The following EPB42 variants were observed in gnomAD, a reference collection of about 807,000 sequenced individuals.
EPB42 encodes the protein erythrocyte membrane protein band 4.2.
EPB42 carries 49 observed loss-of-function variants against 76.9 expected under a neutral mutation model. The ratio of observed to expected loss-of-function variants is 0.64; its 90% CI spans 0.51 to 0.81. The LOEUF (loss-of-function observed/expected upper bound fraction) is 0.81. Ranked by LOEUF, EPB42 falls within the 30% of genes least tolerant of loss-of-function variation. The pLI, the probability that EPB42 is intolerant of heterozygous loss-of-function variation, is 0.00. For missense variants in EPB42, 731 were observed against 867.6 expected (o/e 0.84, Z 1.98); for synonymous variants, 310 against 338.4 (o/e 0.92, Z 0.92).
Position 43,206,767 on chromosome 15 carries a change from A to AT in EPB42, c.1319-139dup. Reference sequence around the variant, plus strand: ...AAGAACTCAGCAAGCCTCTAAGGCCATATTTAGCCCAAAAATGTCTGTGTC... The same window carrying AT: ...AAGAACTCAGCAAGCCTCTAAGGCCATTATTTAGCCCAAAAATGTCTGTGTC... On this transcript the variant is annotated intron_variant, in intron 9 of 12. Transcript: ENST00000441366. This position sits in a 1 kb window ranked among gnomAD's most constrained non-coding sequence, Gnocchi z 4.7. The AT allele has an allele frequency of 9.6e-7, 1 of 1,037,562 alleles. No individual in the cohort carries two copies. Among genetic ancestry groups the AT allele is most frequent in the Non-Finnish European group, 1.4e-6 (1 of 697,668 alleles). The allele number at this position is 1,037,562 out of a possible 1,614,324, so 64.3% of individuals were successfully genotyped here.
rs951540925 is a variant in EPB42, at chr15:43,206,133, A to G, written c.1618+197T>C. The G allele has an allele frequency of 8.6e-6, 5 of 578,596 alleles. No individual in the cohort carries two copies. The highest frequency in any genetic ancestry group is 1.9e-5 in the African/African-American group (1 of 53,884). 35.8% of individuals were successfully genotyped at this position (578,596 alleles called of 1,614,324 possible). ...GTTTACTTATCTGACTGCAGTTGGC[A>G]TCGTGTTTTTTTCCTGCTTCAGGCC... On this transcript the variant is annotated intron_variant, in intron 10 of 12. Coordinates refer to ENST00000441366, the MANE Select transcript of EPB42 (RefSeq NM_001114134.2). The surrounding 1 kb of genome is among the most constrained non-coding windows in gnomAD (Gnocchi z 4.7).
rs1596416531 is a variant in EPB42 at position 43,214,989 on chromosome 15, A to T, written c.430+106T>A. 3.1e-5 allele frequency: 29 copies of T among 950,204 alleles called. No homozygotes were observed. In the South Asian group the frequency reaches 3.9e-4, roughly 13 times the overall value. The allele number at this position is 950,204 out of a possible 1,614,324, so 58.9% of individuals were successfully genotyped here. ...CTGGGTGTTGGTGCTGTCCTTAGAG[A>T]GGGCTGCCACAGGGGCCTGGTGCAG... is the stretch of plus-strand genomic sequence containing the variant. On this transcript the variant is annotated intron_variant, in intron 3 of 12. Coordinates refer to ENST00000441366, the MANE Select transcript of EPB42 (RefSeq NM_001114134.2).
rs1304162179 is a variant in EPB42 at position 43,206,697 on chromosome 15, G to A, written c.1319-68C>T. The A allele has an allele frequency of 6.3e-7, 1 of 1,582,488 alleles. No individual in the cohort carries two copies. The highest frequency in any genetic ancestry group is 8.7e-7 in the Non-Finnish European group (1 of 1,155,614). On this transcript the variant is annotated intron_variant, in intron 9 of 12. Coordinates refer to ENST00000441366, the MANE Select transcript of EPB42 (RefSeq NM_001114134.2). This position sits in a 1 kb window ranked among gnomAD's most constrained non-coding sequence, Gnocchi z 4.7. ...TATAAATGCTTCTAATAAAACCCTGGGAATCAAAACCATTTACCCACTTCT... is the reference window on the plus strand; with the variant it reads ...TATAAATGCTTCTAATAAAACCCTGAGAATCAAAACCATTTACCCACTTCT...
chr15:43,216,157 G>A (rs1016304918), intron 2 of EPB42, 111 bp downstream of exon 2: 109 of 1,356,210 alleles, frequency 8.0e-5, no homozygotes, highest in Non-Finnish European at 1.0e-4. Context: ...GACTTCTTAC[G>A]GCCCAGCTGC....
intron 3 of EPB42, among the ~76,000 whole-genome samples, chr15:43,214,357 A>C (rs184576265): frequency 2.4e-3 from 364 of 152,220 alleles, no homozygotes; most frequent in African/African-American, 8.3e-3. Context: ...GGGGCGGGGC[A>C]CAGCAGGTCA....
chr15:43,200,620 G>A (rs1216284965), intron 12 of EPB42, among the ~76,000 whole-genome samples: 1 of 152,050 alleles, frequency 6.6e-6, no homozygotes, highest in Non-Finnish European at 1.5e-5. Context: ...CATTTTTATT[G>A]GACTGGAAGA....
chr15:43,209,776 A>C (rs1277835186), intron 5 of EPB42, among the ~76,000 whole-genome samples: 1 of 152,112 alleles, frequency 6.6e-6, no homozygotes, highest in Non-Finnish European at 1.5e-5. Flanking sequence ...GGTGCTTTGC[A>C]CCTGGGTCCT....
Position 43,206,770 on chromosome 15 carries a change from T to C in EPB42, c.1319-141A>G. ...AACTCAGCAAGCCTCTAAGGCCATA[T>C]TTAGCCCAAAAATGTCTGTGTCAGG... On this transcript the variant is annotated intron_variant, in intron 9 of 12. Coordinates refer to ENST00000441366, the MANE Select transcript of EPB42 (RefSeq NM_001114134.2). This position sits in a 1 kb window ranked among gnomAD's most constrained non-coding sequence, Gnocchi z 4.7. The C allele has an allele frequency of 2.9e-6, 3 of 1,020,046 alleles. No individual in the cohort carries two copies. Among genetic ancestry groups the C allele is most frequent in the Non-Finnish European group, 4.4e-6 (3 of 683,006 alleles). 63.2% of individuals were successfully genotyped at this position (1,020,046 alleles called of 1,614,324 possible). A position where few individuals can be genotyped will look rare whatever the true frequency, so the allele number is the denominator to read the frequency against.
intron 10 of EPB42, among the ~76,000 whole-genome samples, chr15:43,204,645 TACACATTC>T (rs1297487534): frequency 2.0e-5 from 3 of 152,166 alleles, no homozygotes; most frequent in Admixed American, 6.5e-5. Flanking sequence ...CACACACATA[TACACATTC>T]ACACATTCAC....
In EPB42 at chr15:43,210,189, C is replaced by T. The variant is rs78703207; in HGVS notation, c.654+146G>A. ...TGCCTGTCTTTTTGTCCTCCTCGGA[C>T]GCTTCTGTAGGAACTGTCCCCACAC... On this transcript the variant is annotated intron_variant, in intron 5 of 12. Coordinates refer to ENST00000441366, the MANE Select transcript of EPB42 (RefSeq NM_001114134.2). The T allele has an allele frequency of 2.8e-3, 2,119 of 766,710 alleles. 36 individuals are homozygous for T. Among genetic ancestry groups the T allele is most frequent in the East Asian group, 0.026 (1,043 of 39,770 alleles). The allele number at this position is 766,710 out of a possible 1,614,324, so 47.5% of individuals were successfully genotyped here. A position where few individuals can be genotyped will look rare whatever the true frequency, so the allele number is the denominator to read the frequency against.
intron 1 of EPB42, among the ~76,000 whole-genome samples, chr15:43,218,782 G>T (rs2042415676): frequency 1.3e-5 from 2 of 152,200 alleles, no homozygotes; most frequent in Non-Finnish European, 2.9e-5. Context: ...AGGTCTGCCT[G>T]GTTTCTTGGT....
chr15:43,216,895 G>C (rs563032146), intron 1 of EPB42, among the ~76,000 whole-genome samples: 2 of 152,278 alleles, frequency 1.3e-5, no homozygotes, highest in South Asian at 2.1e-4. Flanking sequence ...AGATCACTGA[G>C]TCCAATTCTC....
intron 12 of EPB42, 30 bp downstream of exon 12, chr15:43,201,814 C>T (rs2042130177): frequency 6.2e-6 from 10 of 1,614,058 alleles, no homozygotes; most frequent in Non-Finnish European, 7.6e-6. Flanking sequence ...TGAGACATTT[C>T]AGGGGGATGA....
upstream of EPB42, among the ~76,000 whole-genome samples, chr15:43,223,131 C>T (rs561269120): frequency 6.6e-6 from 1 of 152,258 alleles, no homozygotes; most frequent in African/African-American, 2.4e-5. Context: ...GCCTGGCCAA[C>T]TTGGTGAAAC....
intron 5 of EPB42, among the ~76,000 whole-genome samples, chr15:43,210,054 G>A (rs2042269960): frequency 6.6e-6 from 1 of 152,224 alleles, no homozygotes; most frequent in East Asian, 1.9e-4. Flanking sequence ...ATGGGCCTAA[G>A]CTCCAGGATG....
Position 43,207,446 on chromosome 15 carries a change from G to C in EPB42, c.1076-5C>G, listed in dbSNP as rs753106087. The C allele has an allele frequency of 3.7e-6, 6 of 1,613,354 alleles. No individual in the cohort carries two copies. The African/African-American group carries it at 8.0e-5, about 22-fold the overall frequency. ...CCAGATCACAGGACCCCAGGACTGA[G>C]GGAGAGAAAGGTTGGTGAGCATGGG... On this transcript the variant is annotated splice_region_variant and splice_polypyrimidine_tract_variant and intron_variant, in intron 8 of 12. Transcript: ENST00000441366.
At chr15:43,219,803 G>A (rs979542619) in intron 1 of EPB42, among the ~76,000 whole-genome samples, 7 of 151,976 alleles carry the variant, frequency 4.6e-5, no homozygotes, top group South Asian at 2.1e-4. Context: ...AAAATTAGCC[G>A]GGCATGGTGG....
intron 2 of EPB42, 69 bp downstream of exon 2, chr15:43,216,199 C>A: frequency 6.3e-7 from 1 of 1,583,790 alleles, no homozygotes; most frequent in South Asian, 1.1e-5. Context: ...GATTCCCTAA[C>A]AGGGTGCTGG....
At chr15:43,208,841 T>A in intron 6 of EPB42, 66 bp from the exon 7 acceptor site, 1 of 1,562,438 alleles carries the variant, frequency 6.4e-7, no homozygotes, top group Admixed American at 1.9e-5. Flanking sequence ...TGTGGGAGGC[T>A]AGGATTTTCA....
Sources: allele counts gnomAD v4.1 joint callset (sites outside exome capture counted in the v4.1 genomes callset), GRCh38; gene constraint gnomAD v4.1.1; non-coding constraint Gnocchi (gnomAD v3.1); transcripts MANE v1.5; gene names NCBI Gene and HGNC (gene_info 2026-07-23, HGNC 2026-07-21).